Variants in RIC1 observed in about 807,000 individuals in gnomAD.
The protein encoded by RIC1 is guanine nucleotide exchange factor subunit RIC1.
Under a neutral mutation model 169.0 loss-of-function variants are expected in RIC1, and 88 were observed. That is an observed-to-expected ratio of 0.52 (90% CI 0.44 to 0.62). RIC1 has a LOEUF of 0.62. RIC1 is among the 20% of genes least tolerant of loss of function. The probability of loss-of-function intolerance (pLI) is 0.00; values close to 1 mark genes in which losing one functional copy is unlikely to be tolerated. For synonymous variants in RIC1, 790 were observed against 601.5 expected (o/e 1.31, Z -4.59); for missense variants, 1,877 against 1,725.5 (o/e 1.09, Z -1.56).
At chr9:5,642,258 A>G (rs1427746264) in intron 1 of RIC1, among the ~76,000 whole-genome samples, 1 of 144,648 alleles carries the variant, frequency 6.9e-6, no homozygotes, top group Non-Finnish European at 1.5e-5. Flanking sequence ...CTCTGTGCTG[A>G]GTCTCCTGGA....
intron 3 of RIC1, among the ~76,000 whole-genome samples, chr9:5,710,387 C>G (rs908291627): frequency 1.3e-5 from 2 of 152,164 alleles, no homozygotes; most frequent in African/African-American, 2.4e-5. Flanking sequence ...TGGCTCCAGA[C>G]TTCTGTCTTT....
chr9:5,735,122 T>A (rs1483121313), intron 7 of RIC1, among the ~76,000 whole-genome samples: 1 of 152,160 alleles, frequency 6.6e-6, no homozygotes, highest in East Asian at 1.9e-4. Context: ...TTATGCCACT[T>A]ATTTTCATGA....
intron 2 of RIC1, among the ~76,000 whole-genome samples, chr9:5,684,367 G>T (rs980427791): frequency 2.1e-5 from 3 of 141,880 alleles, no homozygotes; most frequent in African/African-American, 7.9e-5. Context: ...TGAATCTTTG[G>T]ATCCATTTGG....
At chr9:5,719,734 A>G (rs1329331800) in intron 4 of RIC1, among the ~76,000 whole-genome samples, 2 of 152,254 alleles carry the variant, frequency 1.3e-5, no homozygotes, top group African/African-American at 4.8e-5. Context: ...TACTGTTTAC[A>G]GATAGCACAG....
At chr9:5,686,365 T>C (rs1253137428) in intron 2 of RIC1, among the ~76,000 whole-genome samples, 1 of 151,962 alleles carries the variant, frequency 6.6e-6, no homozygotes, top group East Asian at 1.9e-4. Context: ...TAGCAAAGAC[T>C]TGAAACCAAC....
intron 2 of RIC1, among the ~76,000 whole-genome samples, chr9:5,686,004 C>T (rs1292917082): frequency 3.3e-5 from 5 of 152,036 alleles, no homozygotes; most frequent in African/African-American, 9.7e-5. Flanking sequence ...GACATTTATG[C>T]AGCCAAAAAA....
In RIC1 at chr9:5,749,312, C is replaced by T. The variant is rs535347883; in HGVS notation, c.1452+1807C>T. ...GGAGTTGCCCTGTATTTCGCTGGCACTCCAGCTACATGATTCAGTGCAGTT... is the reference window on the plus strand; with the variant it reads ...GGAGTTGCCCTGTATTTCGCTGGCATTCCAGCTACATGATTCAGTGCAGTT... On this transcript the variant is annotated intron_variant, in intron 12 of 25. Transcript: ENST00000414202. Among the ~76,000 whole-genome samples, 6 of 152,336 alleles carry T rather than the reference C, an allele frequency of 3.9e-5. No individual in the cohort carries two copies. In the South Asian group the frequency reaches 1.2e-3, roughly 32 times the overall value.
In RIC1 at chr9:5,763,351, A is replaced by G. The variant is rs1433423641; in HGVS notation, c.2324A>G (p.Asn775Ser). ...SQRIMLPFHI[N>S]IYPLAVLFED... is the part of the protein sequence containing the mutation. ...CGGATCATGCTGCCTTTCCACATCA[A>G]CATTTACCCGCTAGCTGTTCTGTTT... Residue 775 changes from asparagine (N) to serine (S), a missense_variant, in exon 19 of 26, where the codon AAC becomes AGC. Transcript: ENST00000414202. The surrounding 1 kb of genome is among the most constrained non-coding windows in gnomAD (Gnocchi z 5.2). The G allele has an allele frequency of 1.2e-5, 20 of 1,614,032 alleles. No homozygotes were observed. The highest frequency in any genetic ancestry group is 1.6e-5 in the Non-Finnish European group (19 of 1,179,990).
chr9:5,727,993 G>A (rs1324724053), intron 6 of RIC1, among the ~76,000 whole-genome samples: 1 of 152,196 alleles, frequency 6.6e-6, no homozygotes, highest in African/African-American at 2.4e-5. Flanking sequence ...TATGGGTCAG[G>A]GACCCACTTG....
At chr9:5,641,126 C>G (rs1818217819) in intron 1 of RIC1, among the ~76,000 whole-genome samples, 2 of 148,084 alleles carry the variant, frequency 1.4e-5, no homozygotes, top group South Asian at 2.1e-4. Flanking sequence ...GGGTCTTGCT[C>G]TGTCACCCAG....
At chr9:5,695,002 C>G (rs1470402668) in intron 3 of RIC1, among the ~76,000 whole-genome samples, 1 of 152,114 alleles carries the variant, frequency 6.6e-6, no homozygotes, top group Non-Finnish European at 1.5e-5. Context: ...TCTTGTTATT[C>G]TTCTAGTAGA....
chr9:5,641,801 A>G (rs760934438), intron 1 of RIC1, among the ~76,000 whole-genome samples: 2 of 144,028 alleles, frequency 1.4e-5, no homozygotes, highest in Non-Finnish European at 3.0e-5. Flanking sequence ...TTAAAATGTG[A>G]TAGAATTCTG....
intron 1 of RIC1, among the ~76,000 whole-genome samples, chr9:5,653,352 G>A (rs1818912460): frequency 1.3e-5 from 2 of 152,068 alleles, no homozygotes; most frequent in Middle Eastern, 6.8e-3. Flanking sequence ...AAGTCTTGAA[G>A]TCAGGTAATG....
intron 7 of RIC1, among the ~76,000 whole-genome samples, chr9:5,733,745 T>C (rs1261253205): frequency 6.6e-6 from 1 of 152,098 alleles, no homozygotes; most frequent in Non-Finnish European, 1.5e-5. Context: ...AAAGCTTTTT[T>C]TTAATGTTTG....
At chr9:5,659,454 G>GT (rs1819314862) in intron 2 of RIC1, among the ~76,000 whole-genome samples, 1 of 152,040 alleles carries the variant, frequency 6.6e-6, no homozygotes, top group African/African-American at 2.4e-5. Flanking sequence ...TCATAATGTC[G>GT]TAAGTTGAAC....
Position 5,718,139 on chromosome 9 carries a change from C to CAAAAAAAAA in RIC1, c.441-2024_441-2016dup, listed in dbSNP as rs35477806. Among the ~76,000 whole-genome samples, 5 of 28,090 alleles carry CAAAAAAAAA rather than the reference C, an allele frequency of 1.8e-4. 1 individual carries two copies. The highest frequency in any genetic ancestry group is 2.1e-3 in the East Asian group (2 of 964). The allele number at this position is 28,090 out of a possible 152,430, so 18.4% of individuals were successfully genotyped here. On this transcript the variant is annotated intron_variant, in intron 4 of 25. Coordinates refer to ENST00000414202, the MANE Select transcript of RIC1 (RefSeq NM_020829.4). ...TGGGCAACAGAGCAAGACTCCGTCT[C>CAAAAAAAAA]AAAAAAAAAAAAAAAAAAAAAAAAA...
At chr9:5,658,646 A>C (rs557365565) in intron 2 of RIC1, among the ~76,000 whole-genome samples, 116 of 152,238 alleles carry the variant, frequency 7.6e-4, no homozygotes, top group Non-Finnish European at 9.4e-4. Flanking sequence ...GTAAAAATCC[A>C]CATGGAGCAG....
chr9:5,632,701 T>A (rs1817775308), intron 1 of RIC1, among the ~76,000 whole-genome samples: 1 of 152,146 alleles, frequency 6.6e-6, no homozygotes, highest in African/African-American at 2.4e-5. Flanking sequence ...TAGTTTCAGC[T>A]TTGAGGATGA....
chr9:5,629,197 G>A lies in RIC1; in HGVS notation c.-113G>A. On this transcript the variant is annotated 5_prime_UTR_variant, in exon 1 of 26. Transcript: ENST00000414202. ...GGCCAGCGGGCAGATGCCCCGAGCT[G>A]CCGCCGCCGCCGCCGCCGACTCGGC... 9.9e-7 allele frequency: 1 copy of A among 1,014,062 alleles called. No homozygotes were observed. The highest frequency in any genetic ancestry group is 1.7e-5 in the African/African-American group (1 of 58,888). 62.8% of individuals were successfully genotyped at this position (1,014,062 alleles called of 1,614,324 possible). A position where few individuals can be genotyped will look rare whatever the true frequency, so the allele number is the denominator to read the frequency against.
Sources: allele counts gnomAD v4.1 joint callset (sites outside exome capture counted in the v4.1 genomes callset), GRCh38; gene constraint gnomAD v4.1.1; non-coding constraint Gnocchi (gnomAD v3.1); transcripts MANE v1.5; gene names NCBI Gene and HGNC (gene_info 2026-07-23, HGNC 2026-07-21).